Variants in CEP290 observed in about 807,000 individuals in gnomAD.
CEP290 encodes the protein centrosomal protein of 290 kDa.
In CEP290, 317 loss-of-function variants were observed where a neutral mutation model predicts 344.9. The ratio of observed to expected loss-of-function variants is 0.92; its 90% CI spans 0.84 to 1.01. CEP290 has a LOEUF of 1.01. Among genes scored for constraint, CEP290 ranks in the 50% least tolerant of loss-of-function variants. The probability of loss-of-function intolerance (pLI) is 0.00; values close to 1 mark genes in which losing one functional copy is unlikely to be tolerated. For missense variants in CEP290, 2,754 were observed against 2,761.4 expected (o/e 1.00, Z 0.06); for synonymous variants, 932 against 895.8 (o/e 1.04, Z -0.72).
intron 3 of CEP290, among the ~76,000 whole-genome samples, 184 bp downstream of exon 3, chr12:88,140,772 C>T (rs1360390328): frequency 6.6e-6 from 1 of 152,184 alleles, no homozygotes; most frequent in Non-Finnish European, 1.5e-5. Context: ...CTTTTAGAAA[C>T]TTTAAGTAGA....
At chr12:88,126,535 T>C (rs966470841) in intron 11 of CEP290, 97 bp from the exon 12 acceptor site, 9 of 804,602 alleles carry the variant, frequency 1.1e-5, no homozygotes, top group Non-Finnish European at 1.6e-5. Flanking sequence ...AGATTTATGA[T>C]ACAGAAAATA....
chr12:88,130,670 A>G lies in CEP290; in HGVS notation c.496-105T>C, dbSNP rs1014237185. On this transcript the variant is annotated intron_variant, in intron 7 of 53. Transcript: ENST00000552810. ...AAAACAAAAAAATTTTGGGAAAATG[A>G]TGCATATTATCTTGAATAACCAAAG... is the stretch of plus-strand genomic sequence containing the variant. 22 of 852,622 alleles carry G rather than the reference A, an allele frequency of 2.6e-5. No homozygotes were observed. The African/African-American group carries it at 3.7e-4, about 14-fold the overall frequency. 52.8% of individuals were successfully genotyped at this position (852,622 alleles called of 1,614,324 possible).
At chr12:88,094,629 C>T (rs2037296453) in intron 27 of CEP290, among the ~76,000 whole-genome samples, 1 of 151,714 alleles carries the variant, frequency 6.6e-6, no homozygotes, top group Non-Finnish European at 1.5e-5. Flanking sequence ...CCTCAATTTA[C>T]CATAAAAAGG....
Position 88,115,084 on chromosome 12 carries a change from T to A in CEP290, c.1909+14A>T, listed in dbSNP as rs1368658745. The A allele has an allele frequency of 7.6e-7, 1 of 1,321,684 alleles. No individual in the cohort carries two copies. Among genetic ancestry groups the A allele is most frequent in the Non-Finnish European group, 1.1e-6 (1 of 947,786 alleles). The allele number at this position is 1,321,684 out of a possible 1,614,324, so 81.9% of individuals were successfully genotyped here. ...AAAATAAGAACAGAAAAGTAAAAGA[T>A]AATTGTAACTTACATTTATTCTGAA... On this transcript the variant is annotated intron_variant, in intron 19 of 53. Transcript: ENST00000552810.
At position 88,089,134 on chromosome 12, in the gene CEP290, T is replaced by C; in HGVS notation, c.3927A>G (p.Gln1309=). 1 of 1,599,886 alleles carries C rather than the reference T, an allele frequency of 6.3e-7. No homozygotes were observed. The highest frequency in any genetic ancestry group is 8.5e-7 in the Non-Finnish European group (1 of 1,174,440). ...TTTTGTTCTCCATATTTCTATGTTC[T>C]TGTTGAGAATTTTTCATTTCTTGCA... is the stretch of plus-strand genomic sequence containing the variant. ...KIMQEMKNSQ[Q]EHRNMENKTL... The change falls in exon 31 of 54, where the codon CAA becomes CAG. Residue 1309 remains glutamine (Q), a synonymous_variant. Coordinates refer to ENST00000552810, the MANE Select transcript of CEP290 (RefSeq NM_025114.4).
At chr12:88,122,205 C>G (rs1254966778) in intron 13 of CEP290, among the ~76,000 whole-genome samples, 1 of 152,096 alleles carries the variant, frequency 6.6e-6, no homozygotes, top group Non-Finnish European at 1.5e-5. Flanking sequence ...TATCTATTCT[C>G]CCTTCCATCC....
Position 88,111,717 on chromosome 12 carries a change from G to A in CEP290, c.2194C>T (p.Gln732Ter). ...ACCTTTAAATTAGCTTTTGCCAACT[G>A]CTGTGAATAATTTATAGCCTCTTTC... Reference protein sequence around the residue: ...SRKEAINYSQQLAKANLKIDH... With the variant: ...SRKEAINYSQ Residue 732 changes from glutamine to a stop codon, truncating the protein, a stop_gained, in exon 21 of 54, where the codon CAG (glutamine) becomes TAG (stop). Transcript: ENST00000552810. LOFTEE classifies it high-confidence loss of function. 6.3e-7 allele frequency: 1 copy of A among 1,593,870 alleles called. No individual in the cohort carries two copies. Among genetic ancestry groups the A allele is most frequent in the Admixed American group, 1.8e-5 (1 of 56,676 alleles).
intron 6 of CEP290, among the ~76,000 whole-genome samples, chr12:88,134,997 G>A (rs1565922953): frequency 2.0e-5 from 3 of 152,040 alleles, no homozygotes; most frequent in Non-Finnish European, 1.5e-5. Context: ...GCTGATTACG[G>A]TATCTCTCTC....
rs183824253 is a variant in CEP290, at chr12:88,050,493, T to C, written c.7130-60A>G. On this transcript the variant is annotated intron_variant, in intron 52 of 53. Coordinates refer to ENST00000552810, the MANE Select transcript of CEP290 (RefSeq NM_025114.4). ...TTTCCCACTACGAATGAGTTCAAGG[T>C]AATGGATTTGTTCTAGAGAACAGAG... 4.0e-6 allele frequency: 3 copies of C among 750,248 alleles called. No individual in the cohort carries two copies. In the East Asian group the frequency reaches 8.1e-5, roughly 20 times the overall value. 46.5% of individuals were successfully genotyped at this position (750,248 alleles called of 1,614,324 possible). A position where few individuals can be genotyped will look rare whatever the true frequency, so the allele number is the denominator to read the frequency against.
chr12:88,130,082 C>T (rs1393937682), intron 9 of CEP290, among the ~76,000 whole-genome samples, 186 bp downstream of exon 9: 5 of 151,864 alleles, frequency 3.3e-5, no homozygotes, highest in Admixed American at 3.3e-4. Context: ...ATGACCAAGA[C>T]AGGCAAATAT....
chr12:88,116,000 T>C (rs564683821), intron 18 of CEP290: 177 of 985,156 alleles, frequency 1.8e-4, no homozygotes, highest in Non-Finnish European at 2.0e-4. Context: ...CTAATGTTGC[T>C]ACTTGTGATT....
chr12:88,061,110 G>A (rs2034447252), intron 46 of CEP290, 116 bp from the exon 47 acceptor site: 1 of 683,124 alleles, frequency 1.5e-6, no homozygotes. Context: ...AGTCAAAACT[G>A]TATTAATTCA....
Position 88,108,643 on chromosome 12 carries a change from G to A in CEP290, c.2483+423C>T, listed in dbSNP as rs565639915. Among the ~76,000 whole-genome samples the A allele has an allele frequency of 5.9e-5, 9 of 152,308 alleles. No homozygotes were observed. The South Asian group carries it at 1.9e-3, about 32-fold the overall frequency. ...GAACAATGATGATTGTGATGATGAT[G>A]AATGATGCTAACAACAGCTAACATT... On this transcript the variant is annotated intron_variant, in intron 23 of 53. Transcript: ENST00000552810.
rs2034695558 is a variant in CEP290, at chr12:88,064,033, A to G, written c.6218T>C (p.Ile2073Thr). 2.1e-5 allele frequency: 34 copies of G among 1,597,270 alleles called. No homozygotes were observed. Among genetic ancestry groups the G allele is most frequent in the Non-Finnish European group, 2.7e-5 (32 of 1,170,646 alleles). ...KENLKLSSEN[I>T]ELKFQLEQAN... ...TTGTTCAAGCTGAAATTTCAGTTCAATATTTTCAGATGACAACTTCAAGTT... is the reference window on the plus strand; with the variant it reads ...TTGTTCAAGCTGAAATTTCAGTTCAGTATTTTCAGATGACAACTTCAAGTT... Residue 2073 changes from isoleucine to threonine, a missense_variant, in exon 45 of 54, where the codon ATT (isoleucine) becomes ACT (threonine). Transcript: ENST00000552810.
Position 88,096,902 on chromosome 12 carries a change from T to G in CEP290, c.3089A>C (p.Gln1030Pro). 6.5e-7 allele frequency: 1 copy of G among 1,549,716 alleles called. No homozygotes were observed. The highest frequency in any genetic ancestry group is 8.8e-7 in the Non-Finnish European group (1 of 1,139,070). ...ATAAAACTTACCTAATTTAGTTTCC[T>G]GTTCCCAGGCTTGTTCAATAGTGTG... ...KLHTIEQAWE[Q>P]ETKLGNESSM... Residue 1030 changes from glutamine (Q) to proline (P), a missense_variant, in exon 27 of 54, where the codon CAG (glutamine) becomes CCG (proline). Gln to Pro is a moderately conservative substitution (Grantham distance 76). Coordinates refer to ENST00000552810, the MANE Select transcript of CEP290 (RefSeq NM_025114.4).
At chr12:88,111,910 T>C (rs912253874) in intron 20 of CEP290, 52 bp from the exon 21 acceptor site, 2 of 1,307,336 alleles carry the variant, frequency 1.5e-6, no homozygotes, top group Non-Finnish European at 2.0e-6. Context: ...AGTAAAATCA[T>C]AGTAAAAAAC....
At chr12:88,131,309 GC>G (rs2040057461) in intron 6 of CEP290, 91 bp from the exon 7 acceptor site, 1 of 941,938 alleles carries the variant, frequency 1.1e-6, no homozygotes, top group African/African-American at 1.8e-5. Context: ...TGTCGCCTAG[GC>G]TGGAGTACAG....
chr12:88,124,039 C>T (rs1187290201), intron 13 of CEP290, among the ~76,000 whole-genome samples: 1 of 152,108 alleles, frequency 6.6e-6, no homozygotes, highest in Non-Finnish European at 1.5e-5. Context: ...ACCACCATCA[C>T]TTTTCTCCAG....
chr12:88,098,601 C>T (rs1289575012), intron 26 of CEP290, among the ~76,000 whole-genome samples: 1 of 151,318 alleles, frequency 6.6e-6, no homozygotes, highest in African/African-American at 2.4e-5. Flanking sequence ...AACAGTGAGA[C>T]CCTGACTCAA....
Sources: allele counts gnomAD v4.1 joint callset (sites outside exome capture counted in the v4.1 genomes callset), GRCh38; gene constraint gnomAD v4.1.1; transcripts MANE v1.5; gene names NCBI Gene and HGNC (gene_info 2026-07-23, HGNC 2026-07-21).